Variants in GRIN3A observed in about 807,000 individuals in gnomAD.
The protein encoded by GRIN3A is glutamate receptor ionotropic, NMDA 3A.
A neutral mutation model predicts 92.4 loss-of-function variants in GRIN3A; 47 were observed. The observed-to-expected ratio is 0.51, with a 90% CI of 0.40 to 0.65. The LOEUF is 0.65. Among genes scored for constraint, GRIN3A ranks in the 30% least tolerant of loss-of-function variants. The pLI, the probability that GRIN3A is intolerant of heterozygous loss-of-function variation, is 0.00. For missense variants in GRIN3A, 1,324 were observed against 1,393.1 expected (o/e 0.95, Z 0.79); for synonymous variants, 527 against 540.6 (o/e 0.97, Z 0.35).
rs1829539575 is a variant in GRIN3A, at chr9:101,686,677, G to C, written c.1223C>G (p.Pro408Arg). 3.1e-6 allele frequency: 5 copies of C among 1,614,036 alleles called. No individual in the cohort carries two copies. Among genetic ancestry groups the C allele is most frequent in the Non-Finnish European group, 4.2e-6 (5 of 1,180,018 alleles). The change falls in exon 2 of 9, where the codon CCA (proline) becomes CGA (arginine). Residue 408 changes from proline to arginine, a missense_variant. Coordinates refer to ENST00000361820, the MANE Select transcript of GRIN3A (RefSeq NM_133445.3). ...RAVATATMIQ[P>R]ELALIPSTMN... Reference sequence around the variant, plus strand: ...CGTGCTGGGAATGAGAGCAAGTTCTGGTTGGATCATGGTGGCTGTGGCTAC... The same window carrying C: ...CGTGCTGGGAATGAGAGCAAGTTCTCGTTGGATCATGGTGGCTGTGGCTAC...
In GRIN3A at chr9:101,695,982, C is replaced by T. The variant is rs1054983954; in HGVS notation, c.700-8782G>A. Among the ~76,000 whole-genome samples the T allele has an allele frequency of 3.7e-4, 56 of 152,136 alleles. 1 individual carries two copies. The highest frequency in any genetic ancestry group is 1.2e-3 in the African/African-American group (50 of 41,428). ...GTCACTGTGCCTACCTTCATTACTC[C>T]CTTGCACTCTCTTTTAATATGCTTT... On this transcript the variant is annotated intron_variant, in intron 1 of 8. Transcript: ENST00000361820.
chr9:101,612,006 G>A (rs1002177234), intron 6 of GRIN3A, among the ~76,000 whole-genome samples: 3 of 152,202 alleles, frequency 2.0e-5, no homozygotes, highest in Admixed American at 6.5e-5. Flanking sequence ...GAGGTGGGCA[G>A]GGCCAGGTCC....
rs925251122 is a variant in GRIN3A, at chr9:101,610,569, G to T, written c.2766+2807C>A. ...AATTACCAAGGGCATTGACCAGCTT[G>T]CATCCATCTATCTATCTATCTATCT... On this transcript the variant is annotated intron_variant, in intron 6 of 8. Transcript: ENST00000361820. 2.9e-5 allele frequency among the ~76,000 whole-genome samples: 4 copies of T among 140,150 alleles called. No homozygotes were observed. The East Asian group carries it at 6.6e-4, about 23-fold the overall frequency. 91.9% of individuals were successfully genotyped at this position (140,150 alleles called of 152,430 possible).
chr9:101,645,725 ATTATATG>A (rs1010288006), intron 3 of GRIN3A, among the ~76,000 whole-genome samples: 12 of 148,068 alleles, frequency 8.1e-5, no homozygotes, highest in Admixed American at 2.0e-4. Flanking sequence ...AATGTTATAT[ATTATATG>A]TTATATATTA....
chr9:101,674,605 A>T (rs1041719445), intron 2 of GRIN3A, among the ~76,000 whole-genome samples: 2 of 152,118 alleles, frequency 1.3e-5, no homozygotes, highest in Admixed American at 6.6e-5. Context: ...TATAAACTCA[A>T]TGTAAGCCCA....
At chr9:101,635,336 A>G (rs967618746) in intron 3 of GRIN3A, among the ~76,000 whole-genome samples, 1 of 152,214 alleles carries the variant, frequency 6.6e-6, no homozygotes, top group Non-Finnish European at 1.5e-5. Context: ...AGCCATGCCC[A>G]TTCATTTATG....
intron 3 of GRIN3A, among the ~76,000 whole-genome samples, chr9:101,650,604 T>C (rs1464024638): frequency 6.6e-6 from 1 of 152,036 alleles, no homozygotes; most frequent in East Asian, 1.9e-4. Context: ...TTGTGAGCTA[T>C]TTATATGCTT....
Position 101,686,685 on chromosome 9 carries a change from C to A in GRIN3A, c.1215G>T (p.Met405Ile). 1 of 1,614,192 alleles carries A rather than the reference C, an allele frequency of 6.2e-7. No individual in the cohort carries two copies. Among genetic ancestry groups the A allele is most frequent in the Non-Finnish European group, 8.5e-7 (1 of 1,180,032 alleles). The change falls in exon 2 of 9, where the codon ATG becomes ATT. Residue 405 changes from methionine to isoleucine, a missense_variant. Met to Ile is a conservative substitution (Grantham distance 10). Coordinates refer to ENST00000361820, the MANE Select transcript of GRIN3A (RefSeq NM_133445.3). ...GAATGAGAGCAAGTTCTGGTTGGATCATGGTGGCTGTGGCTACAGCTCTTG... is the reference window on the plus strand; with the variant it reads ...GAATGAGAGCAAGTTCTGGTTGGATAATGGTGGCTGTGGCTACAGCTCTTG... ...LVARAVATAT[M>I]IQPELALIPS...
intron 1 of GRIN3A, among the ~76,000 whole-genome samples, chr9:101,705,855 G>A (rs1829810851): frequency 2.0e-5 from 3 of 152,168 alleles, no homozygotes; most frequent in Non-Finnish European, 4.4e-5. Context: ...ACTCTATGAT[G>A]TAGTAACTAC....
At chr9:101,710,856 G>A (rs866014387) in intron 1 of GRIN3A, among the ~76,000 whole-genome samples, 2 of 152,264 alleles carry the variant, frequency 1.3e-5, no homozygotes, top group Non-Finnish European at 2.9e-5. Flanking sequence ...TGACTGTTTA[G>A]TTCAGATGAA....
intron 1 of GRIN3A, among the ~76,000 whole-genome samples, chr9:101,722,628 G>A (rs777237713): frequency 1.3e-5 from 2 of 152,206 alleles, no homozygotes; most frequent in Admixed American, 1.3e-4. Context: ...TGTATCAGCG[G>A]TACCTAGATG....
At chr9:101,730,233 A>G (rs1160798508) in intron 1 of GRIN3A, among the ~76,000 whole-genome samples, 1 of 152,166 alleles carries the variant, frequency 6.6e-6, no homozygotes, top group Non-Finnish European at 1.5e-5. Flanking sequence ...TGGGACTTCA[A>G]AACAGCAGAT....
intron 6 of GRIN3A, chr9:101,594,476 G>T (rs1269621315): frequency 6.2e-7 from 1 of 1,614,132 alleles, no homozygotes; most frequent in Non-Finnish European, 8.5e-7. Context: ...TTCCTCAAAG[G>T]ATATCTTCCC....
In GRIN3A at chr9:101,686,524, G is replaced by A. The variant is rs28420755; in HGVS notation, c.1304+72C>T. 2,282 of 1,531,994 alleles carry A rather than the reference G, an allele frequency of 1.5e-3. 23 individuals are homozygous for A. The African/African-American group carries it at 0.027, about 18-fold the overall frequency. The allele number at this position is 1,531,994 out of a possible 1,614,324, so 94.9% of individuals were successfully genotyped here. ...CTCAGAGTCAAGATTTCTGCAAAGCGGACAGATAGGGGAATTTTACTCTCT... is the reference window on the plus strand; with the variant it reads ...CTCAGAGTCAAGATTTCTGCAAAGCAGACAGATAGGGGAATTTTACTCTCT... On this transcript the variant is annotated intron_variant, in intron 2 of 8. Coordinates refer to ENST00000361820, the MANE Select transcript of GRIN3A (RefSeq NM_133445.3).
rs1194940707 is a variant in GRIN3A, at chr9:101,670,753, T to C, written c.1659A>G (p.Thr553=). Residue 553 remains threonine (T), a synonymous_variant, in exon 3 of 9, where the codon ACA becomes ACG. Transcript: ENST00000361820. ...GGAGGCTGCTAAAAAGGCTGTCCAA[T>C]GTGGAAGAGTCATTAGTCATGGGGT... is the stretch of plus-strand genomic sequence containing the variant. ...CLDPMTNDSS[T]LDSLFSSLHS... 2 of 1,614,060 alleles carry C rather than the reference T, an allele frequency of 1.2e-6. No individual in the cohort carries two copies. Among genetic ancestry groups the C allele is most frequent in the Admixed American group, 1.7e-5 (1 of 60,002 alleles).
intron 3 of GRIN3A, 120 bp from the exon 4 acceptor site, chr9:101,628,521 CAGAA>C: frequency 1.1e-6 from 1 of 919,528 alleles, no homozygotes; most frequent in East Asian, 2.6e-5. Context: ...CCCCCACAGG[CAGAA>C]ACATGTACAT....
intron 6 of GRIN3A, among the ~76,000 whole-genome samples, chr9:101,598,743 C>A (rs969477659): frequency 6.6e-6 from 1 of 152,196 alleles, no homozygotes; most frequent in African/African-American, 2.4e-5. Context: ...AGCCATTTAA[C>A]AACACTCCTC....
chr9:101,624,858 C>T (rs1440194709), intron 4 of GRIN3A, among the ~76,000 whole-genome samples: 1 of 152,168 alleles, frequency 6.6e-6, no homozygotes, highest in African/African-American at 2.4e-5. Flanking sequence ...GAGATACCAT[C>T]TCACAGCAGT....
At position 101,594,805 on chromosome 9, in the gene GRIN3A, G is replaced by T. The variant is rs143999871; in HGVS notation, c.2767-15445C>A. On this transcript the variant is annotated intron_variant, in intron 6 of 8. Transcript: ENST00000361820. ...CCGGCAGGGACATGAACTCCTCCAC[G>T]CTCAGAGACCCTGATTTGTCCAAGT... 8 of 1,612,522 alleles carry T rather than the reference G, an allele frequency of 5.0e-6. No homozygotes were observed. In the African/African-American group the frequency reaches 5.3e-5, roughly 11 times the overall value.
Sources: gnomAD v4.1 joint callset for allele counts (sites outside exome capture counted in the v4.1 genomes callset) on GRCh38, gnomAD v4.1.1 for gene constraint, MANE v1.5 for transcripts, NCBI Gene and HGNC (gene_info 2026-07-23, HGNC 2026-07-21) for gene names.